BMERB1: variants seen among roughly 807,000 people sequenced by gnomAD.
BMERB1 encodes the protein bMERB domain-containing protein 1.
A neutral mutation model predicts 23.6 loss-of-function variants in BMERB1; 12 were observed. That is an observed-to-expected ratio of 0.51 (90% CI 0.33 to 0.82). BMERB1 has a LOEUF of 0.82. BMERB1 is among the 40% of genes least tolerant of loss of function. The pLI is 0.03. For synonymous variants in BMERB1, 122 were observed against 96.6 expected (o/e 1.26, Z -1.54); for missense variants, 247 against 255.4 (o/e 0.97, Z 0.22).
At chr16:15,552,147 TC>T (rs2030109693) in intron 2 of BMERB1, among the ~76,000 whole-genome samples, 1 of 151,492 alleles carries the variant, frequency 6.6e-6, no homozygotes, top group African/African-American at 2.4e-5. Context: ...GGAAAAAAAA[TC>T]AAAAATAACA....
At chr16:15,456,377 C>G (rs2051087735) in intron 1 of BMERB1, among the ~76,000 whole-genome samples, 1 of 150,984 alleles carries the variant, frequency 6.6e-6, no homozygotes, top group African/African-American at 2.4e-5. Flanking sequence ...AGTTCTGTCA[C>G]CCAGGCTGGA....
intron 1 of BMERB1, among the ~76,000 whole-genome samples, chr16:15,497,523 G>T (rs537503122): frequency 6.6e-6 from 1 of 152,290 alleles, no homozygotes; most frequent in Admixed American, 6.5e-5. Context: ...CTGTCTATGG[G>T]ACTACTTGTG....
At chr16:15,444,132 T>TTTTTTG (rs2050968570) in intron 1 of BMERB1, among the ~76,000 whole-genome samples, 1 of 114,176 alleles carries the variant, frequency 8.8e-6, no homozygotes, top group South Asian at 3.9e-4. Flanking sequence ...TGTTTTTTTT[T>TTTTTTG]TTTTTTTTTT....
chr16:15,461,659 A>G (rs900601988), intron 1 of BMERB1, among the ~76,000 whole-genome samples: 20 of 152,176 alleles, frequency 1.3e-4, no homozygotes, highest in African/African-American at 3.1e-4. Context: ...GTGGTAGCTC[A>G]TGCCTGTAAT....
intron 1 of BMERB1, among the ~76,000 whole-genome samples, chr16:15,456,108 T>C (rs2051085440): frequency 1.3e-5 from 2 of 152,266 alleles, no homozygotes; most frequent in Admixed American, 1.3e-4. Flanking sequence ...AATACAAAAG[T>C]GTAGAAAGTA....
At position 15,444,123 on chromosome 16, in the gene BMERB1, G is replaced by GTTTTTTTTTTTTTTT; in HGVS notation, c.106+9377_106+9391dup. Among the ~76,000 whole-genome samples, 337 of 35,614 alleles carry GTTTTTTTTTTTTTTT rather than the reference G, an allele frequency of 9.5e-3. 77 individuals carry two copies. The highest frequency in any genetic ancestry group is 0.018 in the East Asian group (10 of 554). The allele number at this position is 35,614 out of a possible 152,430, so 23.4% of individuals were successfully genotyped here. On this transcript the variant is annotated intron_variant, in intron 1 of 5. Coordinates refer to ENST00000300006, the MANE Select transcript of BMERB1 (RefSeq NM_033201.3). ...AGGCCAGGGTCCAGGCACCAGCTTT[G>GTTTTTTTTTTTTTTT]TTTTTTTTTTTTTTTTTTTTTTTTT...
intron 2 of BMERB1, among the ~76,000 whole-genome samples, chr16:15,540,717 G>C (rs2168417): frequency 0.12 from 18,225 of 152,228 alleles, 3,402 homozygotes; most frequent in African/African-American, 0.4. Flanking sequence ...GGCAGCACAC[G>C]TAGCAGTTAC....
chr16:15,553,820 G>A (rs925930716), intron 2 of BMERB1, among the ~76,000 whole-genome samples: 17 of 152,262 alleles, frequency 1.1e-4, no homozygotes, highest in Admixed American at 2.6e-4. Context: ...TCCTTGGATC[G>A]TCTTAGACAG....
At chr16:15,553,361 A>T (rs2030152402) in intron 2 of BMERB1, among the ~76,000 whole-genome samples, 1 of 152,198 alleles carries the variant, frequency 6.6e-6, no homozygotes, top group Admixed American at 6.5e-5. Flanking sequence ...TGTAGTCCCA[A>T]CTACTTGGAA....
intron 1 of BMERB1, among the ~76,000 whole-genome samples, chr16:15,443,749 C>G (rs1465390573): frequency 6.6e-6 from 1 of 151,986 alleles, no homozygotes; most frequent in Admixed American, 6.6e-5. Flanking sequence ...GAAACCCTGT[C>G]TTTACTAAAA....
intron 1 of BMERB1, among the ~76,000 whole-genome samples, chr16:15,466,189 T>C (rs1465695116): frequency 2.6e-5 from 4 of 152,226 alleles, no homozygotes; most frequent in Non-Finnish European, 1.5e-5. Context: ...TATAAATTTA[T>C]GGCTGTCCCA....
At chr16:15,491,307 C>A (rs548160346) in intron 1 of BMERB1, among the ~76,000 whole-genome samples, 1 of 152,210 alleles carries the variant, frequency 6.6e-6, no homozygotes, top group African/African-American at 2.4e-5. Context: ...TATACTTGCT[C>A]CCTTAGTAGA....
At chr16:15,548,028 G>A (rs1337873352) in intron 2 of BMERB1, among the ~76,000 whole-genome samples, 2 of 151,992 alleles carry the variant, frequency 1.3e-5, no homozygotes, top group African/African-American at 4.8e-5. Context: ...TTTGTCGCCC[G>A]GGCTGGAGCG....
At chr16:15,488,928 T>C (rs1440660306) in intron 1 of BMERB1, among the ~76,000 whole-genome samples, 1 of 129,136 alleles carries the variant, frequency 7.7e-6, no homozygotes, top group Admixed American at 7.9e-5. Context: ...AAAAAAGGAA[T>C]GTACTAACCG....
chr16:15,545,912 A>T (rs1396170811), intron 2 of BMERB1, among the ~76,000 whole-genome samples: 1 of 152,096 alleles, frequency 6.6e-6, no homozygotes, highest in Non-Finnish European at 1.5e-5. Context: ...GACCATGTGT[A>T]AGTAACAATA....
At chr16:15,442,958 C>T (rs1199857692) in intron 1 of BMERB1, among the ~76,000 whole-genome samples, 1 of 152,058 alleles carries the variant, frequency 6.6e-6, no homozygotes, top group South Asian at 2.1e-4. Flanking sequence ...CCATAAAGAA[C>T]ACCACAGGGC....
intron 3 of BMERB1, among the ~76,000 whole-genome samples, chr16:15,574,899 G>A (rs1172414792): frequency 6.6e-6 from 1 of 152,048 alleles, no homozygotes; most frequent in African/African-American, 2.4e-5. Context: ...CCAACATGGC[G>A]AGACCCCCGT....
intron 2 of BMERB1, among the ~76,000 whole-genome samples, chr16:15,528,742 G>A (rs1299067887): frequency 2.0e-5 from 3 of 151,796 alleles, no homozygotes; most frequent in Non-Finnish European, 4.4e-5. Flanking sequence ...CTGAATGTTT[G>A]TATCACCCCT....
At chr16:15,479,700 T>A (rs1256831746) in intron 1 of BMERB1, among the ~76,000 whole-genome samples, 21 of 152,068 alleles carry the variant, frequency 1.4e-4, no homozygotes, top group Admixed American at 1.4e-3. Flanking sequence ...TCACTAAAAA[T>A]TTTTTGTTTT....
Sources: gnomAD v4.1 joint callset for allele counts (sites outside exome capture counted in the v4.1 genomes callset) on GRCh38, gnomAD v4.1.1 for gene constraint, MANE v1.5 for transcripts, NCBI Gene and HGNC (gene_info 2026-07-23, HGNC 2026-07-21) for gene names.